ZNF451: variants seen among roughly 807,000 people sequenced by gnomAD.
ZNF451 encodes zinc finger protein 451.
Under a neutral mutation model 107.1 loss-of-function variants are expected in ZNF451, and 80 were observed. The observed-to-expected ratio is 0.75, with a 90% confidence interval of 0.62 to 0.90. The LOEUF (loss-of-function observed/expected upper bound fraction) is 0.90, where lower values mean the gene tolerates loss of function less well. Ranked by LOEUF, ZNF451 falls within the 40% of genes least tolerant of loss-of-function variation. The pLI is 0.00. For synonymous variants in ZNF451, 362 were observed against 406.5 expected (o/e 0.89, Z 1.32); for missense variants, 1,107 against 1,236.2 (o/e 0.90, Z 1.57).
chr6:57,101,678 G>A, intron 3 of ZNF451: 1 of 1,550,690 alleles, frequency 6.4e-7, no homozygotes, highest in South Asian at 1.2e-5. Context: ...GGAAAAGCAA[G>A]ATGCATAATA....
rs184285602 is a variant in ZNF451, at chr6:57,124,207, G to A, written c.187-527G>A. On this transcript the variant is annotated intron_variant, in intron 3 of 14. Coordinates refer to ENST00000370706, the MANE Select transcript of ZNF451 (RefSeq NM_001031623.3). ...ACTTTGCTGAGAGTTTTTATCATGA[G>A]TGGGTGCTGGATTTTGTTAAATGCT... is the stretch of plus-strand genomic sequence containing the variant. Among the ~76,000 whole-genome samples the A allele has an allele frequency of 2.4e-4, 36 of 152,250 alleles. No individual in the cohort carries two copies. The East Asian group carries it at 6.6e-3, about 28-fold the overall frequency.
intron 3 of ZNF451, chr6:57,099,390 T>G (rs1207848274): frequency 2.8e-6 from 2 of 705,798 alleles, no homozygotes; most frequent in African/African-American, 1.8e-5. Flanking sequence ...AGAGGTGATA[T>G]CTGATAAAAT....
chr6:57,122,378 G>A (rs1830680538), intron 3 of ZNF451, among the ~76,000 whole-genome samples: 1 of 152,140 alleles, frequency 6.6e-6, no homozygotes, highest in Admixed American at 6.5e-5. Flanking sequence ...TAGAAAAATG[G>A]GACTTAATTA....
intron 3 of ZNF451, chr6:57,102,215 G>T (rs1829640368): frequency 1.4e-6 from 2 of 1,414,322 alleles, no homozygotes; most frequent in Admixed American, 6.4e-5. Context: ...TGCATGTCTG[G>T]AATGATCACA....
At position 57,147,212 on chromosome 6, in the gene ZNF451, G is replaced by A; in HGVS notation, c.1127G>A (p.Ser376Asn). Residue 376 changes from serine (S) to asparagine (N), a missense_variant, in exon 10 of 15, where the codon AGC (serine) becomes AAC (asparagine). This residue lies in a region of ZNF451 where 608 missense variants were observed against 649.2 expected (regional missense o/e 0.94). Transcript: ENST00000370706. Reference protein sequence around the residue: ...DCNQVFVDETSTQNHKQNSGH... With the variant: ...DCNQVFVDETNTQNHKQNSGH... ...AATCAAGTCTTTGTGGATGAAACCA[G>A]CACCCAAAATCATAAGCAGAATTCA... 1 of 1,614,026 alleles carries A rather than the reference G, an allele frequency of 6.2e-7. No homozygotes were observed. The highest frequency in any genetic ancestry group is 2.2e-5 in the East Asian group (1 of 44,868).
At chr6:57,129,313 T>C (rs554689581) in intron 5 of ZNF451, among the ~76,000 whole-genome samples, 1 of 152,308 alleles carries the variant, frequency 6.6e-6, no homozygotes, top group South Asian at 2.1e-4. Context: ...GCTTCTTCGT[T>C]ACTAACTCTT....
intron 3 of ZNF451, among the ~76,000 whole-genome samples, chr6:57,112,625 C>T (rs1830163489): frequency 6.6e-6 from 1 of 152,046 alleles, no homozygotes; most frequent in Non-Finnish European, 1.5e-5. Context: ...CAGAAAGTGC[C>T]TATGATGAGT....
chr6:57,147,419 C>A lies in ZNF451; in HGVS notation c.1334C>A (p.Pro445Gln). ...AGCTCACTGGAGTGCATTGCCATTC[C>A]AAAAAAGAAGATGAATTTAAAAGAT... ...ESSSLECIAI[P>Q]KKKMNLKDKS... The change falls in exon 10 of 15, where the codon CCA becomes CAA. Residue 445 changes from proline (P) to glutamine (Q), a missense_variant. Around this residue, in one of 5 missense-constraint regions of ZNF451, gnomAD observed 608 missense variants for 649.2 expected, o/e 0.94. Transcript: ENST00000370706. The A allele has an allele frequency of 6.2e-7, 1 of 1,613,514 alleles. No individual in the cohort carries two copies. Among genetic ancestry groups the A allele is most frequent in the Non-Finnish European group, 8.5e-7 (1 of 1,179,836 alleles).
At chr6:57,160,430 T>G (rs1306377677) in intron 13 of ZNF451, among the ~76,000 whole-genome samples, 1 of 151,984 alleles carries the variant, frequency 6.6e-6, no homozygotes, top group East Asian at 1.9e-4. Flanking sequence ...ACCTCCCAGG[T>G]TCAAGCGATC....
At chr6:57,151,916 C>T (rs1445083387) in intron 11 of ZNF451, 1 of 216,376 alleles carries the variant, frequency 4.6e-6, no homozygotes, top group Non-Finnish European at 9.1e-6. Flanking sequence ...TCTGTAAAAA[C>T]CACTTATGCT....
chr6:57,159,796 T>C (rs1213364810), intron 13 of ZNF451, among the ~76,000 whole-genome samples: 12 of 152,280 alleles, frequency 7.9e-5, no homozygotes, highest in African/African-American at 2.9e-4. Context: ...AGCAAAAGAA[T>C]ATAGTGAAAT....
At chr6:57,143,536 A>T (rs1420253193) in intron 9 of ZNF451, among the ~76,000 whole-genome samples, 1 of 152,236 alleles carries the variant, frequency 6.6e-6, no homozygotes, top group Non-Finnish European at 1.5e-5. Context: ...CTTTGTTTTC[A>T]ATATAAACAT....
chr6:57,159,364 G>T (rs896099179), intron 13 of ZNF451: 1 of 985,198 alleles, frequency 1.0e-6, no homozygotes, highest in African/African-American at 1.7e-5. Flanking sequence ...GACTGATCTT[G>T]ACTTTAAATT....
chr6:57,150,757 C>A lies in ZNF451; in HGVS notation c.2647C>A (p.Arg883=). 1 of 1,610,584 alleles carries A rather than the reference C, an allele frequency of 6.2e-7. No homozygotes were observed. The highest frequency in any genetic ancestry group is 8.5e-7 in the Non-Finnish European group (1 of 1,178,532). The stretch of plus-strand genomic sequence containing the variant: ...TGAGCTTCCAGATTTGGATTACCTG[C>A]GAACCATGACTCATATAGTCTTTGT... ...IVELPDLDYL[R]TMTHIVFVDF... The change falls in exon 11 of 15, where the codon CGA becomes AGA. Residue 883 remains arginine, a synonymous_variant. Transcript: ENST00000370706.
At chr6:57,114,748 C>G (rs1313236939) in intron 3 of ZNF451, 1 of 152,114 alleles carries the variant, frequency 6.6e-6, no homozygotes, top group Non-Finnish European at 1.5e-5. Context: ...AAACAAAAGA[C>G]TGAGATCCTT....
rs1372384103 is a variant in ZNF451 at position 57,169,264 on chromosome 6, C to G, written c.*795C>G. On this transcript the variant is annotated 3_prime_UTR_variant, in exon 15 of 15. Coordinates refer to ENST00000370706, the MANE Select transcript of ZNF451 (RefSeq NM_001031623.3). ...ATATTGGTGTAAACATAATATTCTT[C>G]AAGAAATAATGTTGAAAGCCTACTC... 6.6e-6 allele frequency: 1 copy of G among 152,038 alleles called. No individual in the cohort carries two copies. The highest frequency in any genetic ancestry group is 1.5e-5 in the Non-Finnish European group (1 of 67,978). 9.4% of individuals were successfully genotyped at this position (152,038 alleles called of 1,614,324 possible).
rs898513086 is a variant in ZNF451, at chr6:57,169,676, A to G, written c.*1207A>G. On this transcript the variant is annotated 3_prime_UTR_variant, in exon 15 of 15. Coordinates refer to ENST00000370706, the MANE Select transcript of ZNF451 (RefSeq NM_001031623.3). ...TGTGAAATTGAATTTTTTTATTACT[A>G]TAGTCTTTTCAATCTATAATTTGTG... is the stretch of plus-strand genomic sequence containing the variant. 6.6e-6 allele frequency: 1 copy of G among 152,162 alleles called. No individual in the cohort carries two copies. Among genetic ancestry groups the G allele is most frequent in the African/African-American group, 2.4e-5 (1 of 41,448 alleles). 9.4% of individuals were successfully genotyped at this position (152,162 alleles called of 1,614,324 possible). A position where few individuals can be genotyped will look rare whatever the true frequency, so the allele number is the denominator to read the frequency against.
rs1249666093 is a variant in ZNF451 at position 57,149,654 on chromosome 6, G to T, written c.2608+961G>T. 2.6e-5 allele frequency among the ~76,000 whole-genome samples: 4 copies of T among 152,158 alleles called. No individual in the cohort carries two copies. The East Asian group carries it at 7.7e-4, about 29-fold the overall frequency. On this transcript the variant is annotated intron_variant, in intron 10 of 14. Transcript: ENST00000370706. ...ATTTTGGCCAGTAATGTATTTTTAT[G>T]AACTATTGAATTTTTAGAGTCTTGC...
At chr6:57,113,026 G>A (rs1365291300) in intron 3 of ZNF451, among the ~76,000 whole-genome samples, 2 of 151,914 alleles carry the variant, frequency 1.3e-5, no homozygotes, top group African/African-American at 4.8e-5. Flanking sequence ...AGGTTCAGGG[G>A]TACATTTACA....
Sources: allele counts gnomAD v4.1 joint callset (sites outside exome capture counted in the v4.1 genomes callset), GRCh38; gene constraint gnomAD v4.1.1; regional missense constraint gnomAD v4.1.1; transcripts MANE v1.5; gene names NCBI Gene and HGNC (gene_info 2026-07-23, HGNC 2026-07-21).